The following TMTC2 variants were observed in gnomAD, a reference collection of about 807,000 sequenced individuals.
The protein encoded by TMTC2 is transmembrane O-mannosyltransferase targeting cadherins 2, also known as protein O-mannosyl-transferase TMTC2.
Under a neutral mutation model 82.4 loss-of-function variants are expected in TMTC2, and 43 were observed. The ratio of observed to expected loss-of-function variants is 0.52; its 90% confidence interval spans 0.41 to 0.67. TMTC2 has a LOEUF of 0.67. TMTC2 is among the 30% of genes least tolerant of loss of function. The probability of loss-of-function intolerance (pLI) is 0.00; values close to 1 mark genes in which losing one functional copy is unlikely to be tolerated. For missense variants in TMTC2, 919 were observed against 1,012.4 expected (o/e 0.91, Z 1.25); for synonymous variants, 408 against 381.9 (o/e 1.07, Z -0.80).
chr12:82,810,022 T>C (rs1879418813), intron 1 of TMTC2, among the ~76,000 whole-genome samples: 1 of 152,096 alleles, frequency 6.6e-6, no homozygotes, highest in Non-Finnish European at 1.5e-5. Flanking sequence ...ATGCTGAGAA[T>C]TTATATACAG....
chr12:82,850,247 C>T (rs1370629840), intron 1 of TMTC2, among the ~76,000 whole-genome samples: 3 of 152,082 alleles, frequency 2.0e-5, no homozygotes, highest in Non-Finnish European at 2.9e-5. Flanking sequence ...TTTAACATGA[C>T]ATTTTGTGAA....
intron 1 of TMTC2, among the ~76,000 whole-genome samples, chr12:82,802,985 A>T (rs2137038763): frequency 6.6e-6 from 1 of 152,304 alleles, no homozygotes; most frequent in South Asian, 2.1e-4. Flanking sequence ...AGAGAATGAC[A>T]AGATGTGTGA....
intron 11 of TMTC2, among the ~76,000 whole-genome samples, chr12:83,072,547 T>C (rs1159827887): frequency 5.3e-5 from 8 of 152,152 alleles, no homozygotes; most frequent in Admixed American, 5.2e-4. Context: ...TTTAAATGCA[T>C]GGTTTCTTTG....
chr12:82,881,694 A>G (rs1872830116), intron 2 of TMTC2, among the ~76,000 whole-genome samples: 1 of 152,224 alleles, frequency 6.6e-6, no homozygotes, highest in South Asian at 2.1e-4. Flanking sequence ...CTAGCTTATT[A>G]CTGTAAAGTT....
intron 4 of TMTC2, among the ~76,000 whole-genome samples, chr12:82,953,093 G>GT (rs1313582337): frequency 6.6e-6 from 1 of 152,082 alleles, no homozygotes; most frequent in East Asian, 1.9e-4. Flanking sequence ...GTTAGTTTTG[G>GT]TTTGACCACT....
chr12:82,932,010 G>A lies in TMTC2; in HGVS notation c.1598+1465G>A, dbSNP rs1052838571. On this transcript the variant is annotated intron_variant, in intron 4 of 11. Coordinates refer to ENST00000321196, the MANE Select transcript of TMTC2 (RefSeq NM_152588.3). ...GATGACTGATCCTAGGTAAAATAAG[G>A]TGCTTGCGGCTTGTGTTTAATGAAT... is the stretch of plus-strand genomic sequence containing the variant. Among the ~76,000 whole-genome samples the A allele has an allele frequency of 2.0e-5, 3 of 152,038 alleles. No homozygotes were observed. The South Asian group carries it at 6.2e-4, about 32-fold the overall frequency.
At chr12:82,806,264 GA>G (rs977259233) in intron 1 of TMTC2, among the ~76,000 whole-genome samples, 13 of 151,746 alleles carry the variant, frequency 8.6e-5, no homozygotes, top group East Asian at 7.7e-4. Context: ...TTTAAGACAA[GA>G]AAAAAAATGG....
At chr12:82,820,360 C>T (rs2137061933) in intron 1 of TMTC2, among the ~76,000 whole-genome samples, 1 of 152,076 alleles carries the variant, frequency 6.6e-6, no homozygotes, top group Non-Finnish European at 1.5e-5. Flanking sequence ...ATATTTCTTT[C>T]CTTCTTTTTC....
At chr12:83,110,653 A>C (rs2137545576) in intron 11 of TMTC2, among the ~76,000 whole-genome samples, 1 of 152,318 alleles carries the variant, frequency 6.6e-6, no homozygotes, top group South Asian at 2.1e-4. Context: ...TTCCTCCTGG[A>C]AACAGTTTTT....
At position 82,788,226 on chromosome 12, in the gene TMTC2, A is replaced by G. The variant is rs778116296; in HGVS notation, c.84-68784A>G. 5.3e-5 allele frequency among the ~76,000 whole-genome samples: 8 copies of G among 152,144 alleles called. 1 individual carries two copies. Among genetic ancestry groups the G allele is most frequent in the Non-Finnish European group, 1.0e-4 (7 of 68,020 alleles). ...ATCTTTTATTTTAGGGGTAAGTTAT[A>G]GCAATGCTATTTGAGTACAGAGATG... On this transcript the variant is annotated intron_variant, in intron 1 of 11. Transcript: ENST00000321196.
chr12:82,937,532 T>C (rs1282850766), intron 4 of TMTC2, among the ~76,000 whole-genome samples: 1 of 152,048 alleles, frequency 6.6e-6, no homozygotes, highest in Non-Finnish European at 1.5e-5. Flanking sequence ...AACATATCTT[T>C]TGAGGGGGTG....
chr12:82,985,075 T>C (rs1879097054), intron 7 of TMTC2, among the ~76,000 whole-genome samples: 1 of 152,096 alleles, frequency 6.6e-6, no homozygotes, highest in Non-Finnish European at 1.5e-5. Flanking sequence ...TTTTTTTTGT[T>C]TGAGACAGGG....
chr12:82,865,727 C>T (rs939293441), intron 2 of TMTC2, among the ~76,000 whole-genome samples: 3 of 152,124 alleles, frequency 2.0e-5, no homozygotes, highest in Non-Finnish European at 2.9e-5. Flanking sequence ...AGCACCACAC[C>T]GCACTTATTC....
At chr12:82,764,419 T>G (rs1240648642) in intron 1 of TMTC2, among the ~76,000 whole-genome samples, 1 of 152,180 alleles carries the variant, frequency 6.6e-6, no homozygotes, top group African/African-American at 2.4e-5. Context: ...ATTACAGGTG[T>G]GAGCCACCAT....
At chr12:82,808,671 G>A (rs1682576025) in intron 1 of TMTC2, among the ~76,000 whole-genome samples, 2 of 151,986 alleles carry the variant, frequency 1.3e-5, no homozygotes, top group South Asian at 4.1e-4. Context: ...GCGTCTTTTG[G>A]TATCTATTCC....
chr12:82,738,804 GA>G (rs1443282775), intron 1 of TMTC2, among the ~76,000 whole-genome samples: 5 of 151,994 alleles, frequency 3.3e-5, no homozygotes, highest in African/African-American at 4.8e-5. Context: ...TATCAGTGAT[GA>G]AAAAAATTAG....
At chr12:83,045,417 G>T (rs536597191) in intron 9 of TMTC2, among the ~76,000 whole-genome samples, 2 of 152,176 alleles carry the variant, frequency 1.3e-5, no homozygotes, top group South Asian at 4.1e-4. Flanking sequence ...TACGCTGTTT[G>T]TGCTTTTTTA....
intron 1 of TMTC2, among the ~76,000 whole-genome samples, chr12:82,729,606 C>T (rs1874660866): frequency 6.6e-6 from 1 of 152,138 alleles, no homozygotes; most frequent in African/African-American, 2.4e-5. Flanking sequence ...ATTGTAAATG[C>T]ACCAATCAGC....
intron 1 of TMTC2, chr12:82,759,525 A>G (rs1481068974): frequency 6.6e-6 from 1 of 152,220 alleles, no homozygotes. Flanking sequence ...ATCTCATTTT[A>G]GTAACTCTCT....
Sources: allele counts gnomAD v4.1 joint callset (sites outside exome capture counted in the v4.1 genomes callset), GRCh38; gene constraint gnomAD v4.1.1; transcripts MANE v1.5; gene names NCBI Gene and HGNC (gene_info 2026-07-23, HGNC 2026-07-21).